DHRSX: variants seen among roughly 807,000 people sequenced by gnomAD.
DHRSX encodes polyprenol dehydrogenase.
A neutral mutation model predicts 34.0 loss-of-function variants in DHRSX; 31 were observed. That is an observed-to-expected ratio of 0.91 (90% CI 0.69 to 1.23). The LOEUF (loss-of-function observed/expected upper bound fraction) is 1.23, where lower values mean the gene tolerates loss of function less well. Among genes scored for constraint, DHRSX ranks in the 50% most tolerant of loss-of-function variants. DHRSX has a pLI of 0.00. For synonymous variants in DHRSX, 201 were observed against 183.8 expected (o/e 1.09, Z -0.76); for missense variants, 414 against 428.1 (o/e 0.97, Z 0.29).
At chrX:2,294,539 C>T (rs1369160200) in intron 3 of DHRSX, among the ~76,000 whole-genome samples, 1 of 151,894 alleles carries the variant, frequency 6.6e-6, no homozygotes, top group Non-Finnish European at 1.5e-5. Flanking sequence ...GTGGTGCACG[C>T]CTGTAATCCC....
At chrX:2,376,938 G>A (rs1360670506) in intron 3 of DHRSX, among the ~76,000 whole-genome samples, 1 of 150,862 alleles carries the variant, frequency 6.6e-6, no homozygotes, top group Non-Finnish European at 1.5e-5. Flanking sequence ...AAGTTGCAGT[G>A]AGCCGAGATC....
intron 1 of DHRSX, among the ~76,000 whole-genome samples, chrX:2,471,435 C>T (rs1262478739): frequency 6.6e-6 from 1 of 151,578 alleles, no homozygotes; most frequent in African/African-American, 2.4e-5. Flanking sequence ...GGTGTGGTGG[C>T]AGGCACCTGC....
At chrX:2,457,796 A>T (rs1398570887) in intron 1 of DHRSX, among the ~76,000 whole-genome samples, 3 of 144,498 alleles carry the variant, frequency 2.1e-5, no homozygotes, top group African/African-American at 7.8e-5. Flanking sequence ...AGGGACAGCC[A>T]CGGTGTGCAC....
chrX:2,459,047 G>A (rs1264757654), intron 1 of DHRSX, among the ~76,000 whole-genome samples: 2 of 152,044 alleles, frequency 1.3e-5, no homozygotes, highest in East Asian at 1.9e-4. Context: ...GCTCAGGTGG[G>A]AGGGTCACCT....
intron 1 of DHRSX, among the ~76,000 whole-genome samples, chrX:2,476,515 CTTAA>C (rs758277112): frequency 1.6e-3 from 245 of 152,216 alleles, no homozygotes; most frequent in African/African-American, 5.6e-3. Flanking sequence ...TCCCAATGCT[CTTAA>C]TTAATCAAAT....
intron 3 of DHRSX, among the ~76,000 whole-genome samples, chrX:2,396,771 T>A (rs928313599): frequency 2.1e-4 from 31 of 151,140 alleles, no homozygotes; most frequent in Admixed American, 6.6e-4. Context: ...CTCCCTTTTT[T>A]TTTTTTTTTT....
intron 1 of DHRSX, among the ~76,000 whole-genome samples, chrX:2,492,801 T>C (rs1009990791): frequency 1.4e-4 from 22 of 152,322 alleles, no homozygotes; most frequent in Admixed American, 1.3e-3. Context: ...TGAGACACTT[T>C]GATTACAGAC....
chrX:2,477,688 A>C (rs2044701630), intron 1 of DHRSX, among the ~76,000 whole-genome samples: 1 of 152,118 alleles, frequency 6.6e-6, no homozygotes, highest in Admixed American at 6.6e-5. Context: ...TCTACTAAAA[A>C]TATAAAATTA....
chrX:2,331,103 C>A (rs2042466780), intron 3 of DHRSX, among the ~76,000 whole-genome samples: 1 of 152,118 alleles, frequency 6.6e-6, no homozygotes, highest in African/African-American at 2.4e-5. Flanking sequence ...CCTCAGTTTT[C>A]TCATCAGTGA....
intron 4 of DHRSX, among the ~76,000 whole-genome samples, chrX:2,274,141 G>A (rs765743483): frequency 1.4e-4 from 21 of 151,916 alleles, no homozygotes; most frequent in Admixed American, 1.1e-3. Context: ...GGGTTCAAGC[G>A]ATTCTCCTGC....
chrX:2,382,771 TCACCATCAC>T (rs1458356954), intron 3 of DHRSX, among the ~76,000 whole-genome samples: 2 of 116,936 alleles, frequency 1.7e-5, no homozygotes, highest in Non-Finnish European at 3.4e-5. Flanking sequence ...ATCATCATCA[TCACCATCAC>T]CATCATCACC....
intron 3 of DHRSX, among the ~76,000 whole-genome samples, chrX:2,347,316 A>G (rs929042962): frequency 1.3e-5 from 2 of 152,198 alleles, no homozygotes; most frequent in African/African-American, 4.8e-5. Context: ...CTTACTCACT[A>G]TCATGAGAAC....
At chrX:2,497,964 T>A (rs2045323162) in intron 1 of DHRSX, among the ~76,000 whole-genome samples, 1 of 152,196 alleles carries the variant, frequency 6.6e-6, no homozygotes, top group Admixed American at 6.5e-5. Context: ...ATGGGCCGCA[T>A]GGATATAGTC....
chrX:2,449,697 C>T (rs1244662584), intron 1 of DHRSX, among the ~76,000 whole-genome samples: 3 of 152,084 alleles, frequency 2.0e-5, no homozygotes, highest in South Asian at 2.1e-4. Context: ...CAGCACCTCT[C>T]GCTTGGTTGC....
At chrX:2,395,280 G>A (rs1295235665) in intron 3 of DHRSX, among the ~76,000 whole-genome samples, 2 of 152,074 alleles carry the variant, frequency 1.3e-5, no homozygotes, top group African/African-American at 4.8e-5. Flanking sequence ...CTCCCTGCCC[G>A]TGTGAAGCAG....
At chrX:2,301,020 T>C (rs999135444) in intron 3 of DHRSX, among the ~76,000 whole-genome samples, 2 of 152,212 alleles carry the variant, frequency 1.3e-5, no homozygotes, top group Admixed American at 1.3e-4. Flanking sequence ...AAAAATGTTT[T>C]ATAAATAATA....
intron 1 of DHRSX, among the ~76,000 whole-genome samples, chrX:2,456,648 G>GAA (rs1419676764): frequency 6.7e-6 from 1 of 148,240 alleles, no homozygotes; most frequent in Non-Finnish European, 1.5e-5. Context: ...GATGAAGAAT[G>GAA]AAAGGTGCAC....
intron 3 of DHRSX, among the ~76,000 whole-genome samples, chrX:2,298,811 C>T (rs376779176): frequency 1.3e-5 from 2 of 151,672 alleles, no homozygotes; most frequent in African/African-American, 2.4e-5. Context: ...CATGGAGAAA[C>T]CCCGTCTCTA....
At chrX:2,309,986 G>A (rs1484000566) in intron 3 of DHRSX, among the ~76,000 whole-genome samples, 1 of 152,156 alleles carries the variant, frequency 6.6e-6, no homozygotes, top group Non-Finnish European at 1.5e-5. Context: ...AAGGCGTTCA[G>A]CTCAGAGCAG....
Sources: allele counts gnomAD v4.1 joint callset (sites outside exome capture counted in the v4.1 genomes callset), GRCh38; gene constraint gnomAD v4.1.1; transcripts MANE v1.5; gene names NCBI Gene and HGNC (gene_info 2026-07-23, HGNC 2026-07-21).